The following BRAF variants were observed in gnomAD, a reference collection of about 807,000 sequenced individuals.
The protein encoded by BRAF is B-Raf proto-oncogene, serine/threonine kinase, also known as serine/threonine-protein kinase B-raf.
A neutral mutation model predicts 104.6 loss-of-function variants in BRAF; 16 were observed. The ratio of observed to expected loss-of-function variants is 0.15; its 90% CI spans 0.10 to 0.23. BRAF has a LOEUF of 0.23. Among genes scored for constraint, BRAF ranks in the 10% least tolerant of loss-of-function variants. BRAF has a pLI of 1.00. For synonymous variants in BRAF, 310 were observed against 341.6 expected, an observed-to-expected ratio of 0.91 and a Z score of 1.02; for missense variants, 541 against 937.3, an observed-to-expected ratio of 0.58 and a Z score of 5.52.
At chr7:140,856,212 C>G (rs1485593910) in intron 1 of BRAF, among the ~76,000 whole-genome samples, 1 of 151,240 alleles carries the variant, frequency 6.6e-6, no homozygotes. Context: ...CAGGACTAGC[C>G]TAAGAGATTC....
intron 3 of BRAF, among the ~76,000 whole-genome samples, chr7:140,820,312 G>A (rs1019206659): frequency 5.9e-5 from 9 of 152,116 alleles, no homozygotes; most frequent in Non-Finnish European, 8.8e-5. Context: ...AGTTTTCAGT[G>A]TGTATATTCT....
At chr7:140,908,826 C>A (rs1465541898) in intron 1 of BRAF, among the ~76,000 whole-genome samples, 1 of 135,590 alleles carries the variant, frequency 7.4e-6, no homozygotes, top group Admixed American at 7.3e-5. Flanking sequence ...TCCTCTTCAC[C>A]CCAATGGTCC....
rs886041842 is a variant in BRAF at position 140,753,272 on chromosome 7, T to C, written c.1980+3A>G. On this transcript the variant is annotated splice_donor_region_variant and intron_variant, in intron 16 of 19. Coordinates refer to ENST00000644969, the MANE Select transcript of BRAF (RefSeq NM_001374258.1). ...TCAGTGGAAAAATAGCCTCAATTCT[T>C]ACCATCCACAAAATGGATCCAGACA... 2 of 1,599,594 alleles carry C rather than the reference T, an allele frequency of 1.3e-6. No individual in the cohort carries two copies. Among genetic ancestry groups the C allele is most frequent in the Non-Finnish European group, 1.7e-6 (2 of 1,167,700 alleles).
At chr7:140,881,688 C>T (rs1812936188) in intron 1 of BRAF, among the ~76,000 whole-genome samples, 1 of 152,164 alleles carries the variant, frequency 6.6e-6, no homozygotes, top group East Asian at 1.9e-4. Context: ...TTAATCATTT[C>T]TAGCTTTTGA....
chr7:140,730,300 A>C (rs1795867380), intron 19 of BRAF, among the ~76,000 whole-genome samples: 1 of 152,126 alleles, frequency 6.6e-6, no homozygotes, highest in South Asian at 2.1e-4. Context: ...TAATAAAAAA[A>C]AATCAATTTG....
At chr7:140,853,881 C>A (rs1290182649) in intron 1 of BRAF, among the ~76,000 whole-genome samples, 1 of 152,136 alleles carries the variant, frequency 6.6e-6, no homozygotes, top group Admixed American at 6.6e-5. Context: ...TCCAGGAGGG[C>A]ATAGGTTTTT....
chr7:140,844,124 T>A (rs1425745311), intron 2 of BRAF, among the ~76,000 whole-genome samples: 2 of 152,172 alleles, frequency 1.3e-5, no homozygotes, highest in African/African-American at 4.8e-5. Flanking sequence ...AAGAGCCACA[T>A]GCATATGGGA....
rs1269736306 is a variant in BRAF, at chr7:140,723,479, A to T, written c.*3015T>A. ...TGAGATATTCGGGAACCAGAATTTGACAGCTAGACAGAATCTTCTTTTAAG... is the reference window on the plus strand; with the variant it reads ...TGAGATATTCGGGAACCAGAATTTGTCAGCTAGACAGAATCTTCTTTTAAG... On this transcript the variant is annotated 3_prime_UTR_variant, in exon 20 of 20. Transcript: ENST00000644969. 1 of 1,053,588 alleles carries T rather than the reference A, an allele frequency of 9.5e-7. No individual in the cohort carries two copies. The highest frequency in any genetic ancestry group is 1.7e-5 in the African/African-American group (1 of 60,394). The allele number at this position is 1,053,588 out of a possible 1,614,324, so 65.3% of individuals were successfully genotyped here.
intron 18 of BRAF, 59 bp from the exon 18 acceptor site, chr7:140,734,829 AAAG>A (rs1796279830): frequency 1.4e-6 from 2 of 1,468,798 alleles, no homozygotes; most frequent in South Asian, 1.3e-5. Flanking sequence ...AAAAAGAAAG[AAAG>A]AAAAAGAAAA....
chr7:140,921,437 CA>C (rs1167691802), intron 1 of BRAF, among the ~76,000 whole-genome samples: 2 of 152,014 alleles, frequency 1.3e-5, no homozygotes, highest in African/African-American at 2.4e-5. Context: ...GTTCATTCCC[CA>C]ACATATTTTA....
chr7:140,723,003 A>G lies in BRAF; in HGVS notation c.*3491T>C. Reference sequence around the variant, plus strand: ...GTACACAAAAAAGTTAAAATCTTAAATCATCGTCATGTTCTAGAGCTCCTG... The same window carrying G: ...GTACACAAAAAAGTTAAAATCTTAAGTCATCGTCATGTTCTAGAGCTCCTG... On this transcript the variant is annotated 3_prime_UTR_variant, in exon 20 of 20. Transcript: ENST00000644969. 1 of 1,053,258 alleles carries G rather than the reference A, an allele frequency of 9.5e-7. No homozygotes were observed. Among genetic ancestry groups the G allele is most frequent in the Non-Finnish European group, 1.1e-6 (1 of 871,866 alleles). 65.2% of individuals were successfully genotyped at this position (1,053,258 alleles called of 1,614,324 possible).
At chr7:140,764,629 C>T (rs974871795) in intron 14 of BRAF, among the ~76,000 whole-genome samples, 5 of 152,088 alleles carry the variant, frequency 3.3e-5, no homozygotes, top group African/African-American at 1.2e-4. Flanking sequence ...TGTACAAAAA[C>T]CACAAGCATT....
chr7:140,866,461 T>C (rs1378463786), intron 1 of BRAF, among the ~76,000 whole-genome samples: 3 of 152,152 alleles, frequency 2.0e-5, no homozygotes, highest in Admixed American at 6.5e-5. Flanking sequence ...AATTTGGAAC[T>C]TACCCCACTT....
chr7:140,863,142 C>G (rs920195046), intron 1 of BRAF, among the ~76,000 whole-genome samples: 3 of 151,942 alleles, frequency 2.0e-5, no homozygotes, highest in Non-Finnish European at 4.4e-5. Context: ...GTAGGCCTCT[C>G]GTCCCAGCAT....
chr7:140,757,840 T>A (rs982913679), intron 14 of BRAF, among the ~76,000 whole-genome samples: 1 of 152,336 alleles, frequency 6.6e-6, no homozygotes, highest in East Asian at 1.9e-4. Flanking sequence ...AGGATAGGAA[T>A]CTCATTATAG....
At chr7:140,827,465 C>T (rs1172687050) in intron 3 of BRAF, among the ~76,000 whole-genome samples, 3 of 152,024 alleles carry the variant, frequency 2.0e-5, no homozygotes, top group Non-Finnish European at 4.4e-5. Context: ...GAGAATAGGT[C>T]CATAGTTAAA....
At chr7:140,911,244 C>T (rs998257138) in intron 1 of BRAF, among the ~76,000 whole-genome samples, 2 of 152,146 alleles carry the variant, frequency 1.3e-5, no homozygotes, top group Non-Finnish European at 2.9e-5. Context: ...AGCCACTAGC[C>T]ATCAGGCTAG....
intron 2 of BRAF, among the ~76,000 whole-genome samples, chr7:140,838,822 G>A (rs1308680816): frequency 1.3e-5 from 2 of 152,192 alleles, no homozygotes; most frequent in African/African-American, 2.4e-5. Flanking sequence ...GCAAAAAGTA[G>A]ATCAGTGGTT....
At chr7:140,733,946 T>C (rs1796179576) in intron 19 of BRAF, 2 of 958,168 alleles carry the variant, frequency 2.1e-6, no homozygotes, top group Admixed American at 1.2e-4. Context: ...AATCCGAAGT[T>C]AAGACATTTT....
Sources: gnomAD v4.1 joint callset for allele counts (sites outside exome capture counted in the v4.1 genomes callset) on GRCh38, gnomAD v4.1.1 for gene constraint, MANE v1.5 for transcripts, NCBI Gene and HGNC (gene_info 2026-07-23, HGNC 2026-07-21) for gene names.